Variants in SPECC1 observed in about 807,000 individuals in gnomAD.
SPECC1 encodes sperm antigen with calponin homology and coiled-coil domains 1, also known as cytospin-B.
Under a neutral mutation model 104.1 loss-of-function variants are expected in SPECC1, and 62 were observed. The ratio of observed to expected loss-of-function variants is 0.60; its 90% CI spans 0.49 to 0.74. SPECC1 has a LOEUF of 0.74. Ranked by LOEUF, SPECC1 falls within the 30% of genes least tolerant of loss-of-function variation. SPECC1 has a pLI of 0.00. For synonymous variants in SPECC1, 513 were observed against 501.6 expected (o/e 1.02, Z -0.30); for missense variants, 1,306 against 1,310.5 (o/e 1.00, Z 0.05).
chr17:20,157,618 A>G (rs1295040442), intron 3 of SPECC1, among the ~76,000 whole-genome samples: 2 of 152,184 alleles, frequency 1.3e-5, no homozygotes, highest in Non-Finnish European at 2.9e-5. Context: ...CCTTTGTGTT[A>G]AAATTGTGAA....
At chr17:20,244,792 T>C (rs2039350185) in intron 7 of SPECC1, among the ~76,000 whole-genome samples, 1 of 152,210 alleles carries the variant, frequency 6.6e-6, no homozygotes, top group Non-Finnish European at 1.5e-5. Context: ...AAATTAGTCA[T>C]CTTGCAAAAC....
intron 1 of SPECC1, among the ~76,000 whole-genome samples, chr17:20,094,303 G>T (rs1020736759): frequency 2.0e-5 from 3 of 152,116 alleles, no homozygotes; most frequent in African/African-American, 7.2e-5. Flanking sequence ...GCCTCAGAGC[G>T]GGCCACCTGC....
chr17:20,192,663 T>A (rs2035750735), intron 3 of SPECC1, among the ~76,000 whole-genome samples: 1 of 152,208 alleles, frequency 6.6e-6, no homozygotes, highest in Non-Finnish European at 1.5e-5. Context: ...ACCTCCCAGT[T>A]TCTTTCATCT....
Position 20,138,554 on chromosome 17 carries a change from A to G in SPECC1, c.283+27992A>G, listed in dbSNP as rs139693589. On this transcript the variant is annotated intron_variant, in intron 3 of 14. Coordinates refer to ENST00000395527, the MANE Select transcript of SPECC1 (RefSeq NM_001243439.2). ...CCTCCCTCATCCCTAGTCCCTGGAA[A>G]CCACTGATCTTTTTACTGTCCCATA... Among the ~76,000 whole-genome samples the G allele has an allele frequency of 2.0e-3, 297 of 152,274 alleles. 10 individuals carry two copies. In the East Asian group the frequency reaches 0.046, roughly 23 times the overall value.
intron 3 of SPECC1, among the ~76,000 whole-genome samples, chr17:20,167,589 A>G (rs560370930): frequency 3.8e-4 from 58 of 152,274 alleles, no homozygotes; most frequent in African/African-American, 1.3e-3. Context: ...GAGGCAGGAG[A>G]ATCACTTGAA....
intron 9 of SPECC1, among the ~76,000 whole-genome samples, chr17:20,250,543 G>A (rs921492008): frequency 9.2e-5 from 14 of 152,218 alleles, no homozygotes; most frequent in Non-Finnish European, 1.5e-4. Flanking sequence ...AAAATGTAAC[G>A]TGCTAAACTT....
chr17:20,255,853 T>C (rs541608759), intron 10 of SPECC1, among the ~76,000 whole-genome samples: 31 of 151,284 alleles, frequency 2.0e-4, no homozygotes, highest in African/African-American at 7.5e-4. Flanking sequence ...ATTACAGTTA[T>C]GAGCCATCAT....
chr17:20,167,570 C>T (rs1464131828), intron 3 of SPECC1, among the ~76,000 whole-genome samples: 1 of 151,992 alleles, frequency 6.6e-6, no homozygotes, highest in Non-Finnish European at 1.5e-5. Context: ...CCCAATTACT[C>T]GGGAGGCTGA....
chr17:20,205,535 C>T lies in SPECC1; in HGVS notation c.1486C>T (p.Arg496Trp), dbSNP rs777968410. 8.7e-6 allele frequency: 14 copies of T among 1,613,830 alleles called. No individual in the cohort carries two copies. The highest frequency in any genetic ancestry group is 2.7e-5 in the African/African-American group (2 of 74,842). The change falls in exon 4 of 15, where the codon CGG becomes TGG. Residue 496 changes from arginine (R) to tryptophan (W), a missense_variant. Coordinates refer to ENST00000395527, the MANE Select transcript of SPECC1 (RefSeq NM_001243439.2). ...NIQQQLTCSL[R>W]KVEEENQGAL... ...TCAGCAGCAGTTGACCTGTAGCTTG[C>T]GGAAGGTTGAGGAAGAAAACCAAGG...
intron 1 of SPECC1, among the ~76,000 whole-genome samples, chr17:20,092,959 G>T (rs904634344): frequency 2.0e-5 from 3 of 152,166 alleles, no homozygotes; most frequent in African/African-American, 7.2e-5. Flanking sequence ...GTGTTTAGGT[G>T]TGTAGGTTTT....
intron 13 of SPECC1, among the ~76,000 whole-genome samples, chr17:20,299,069 G>T (rs913775489): frequency 6.6e-6 from 1 of 151,600 alleles, no homozygotes; most frequent in Non-Finnish European, 1.5e-5. Flanking sequence ...TCCAGCATCT[G>T]CAGGGTAAGC....
chr17:20,027,301 T>A (rs984459342), intron 1 of SPECC1, among the ~76,000 whole-genome samples: 9 of 152,218 alleles, frequency 5.9e-5, no homozygotes, highest in Non-Finnish European at 1.2e-4. Flanking sequence ...TTGAGTTGTT[T>A]TAGTCACTTG....
intron 7 of SPECC1, among the ~76,000 whole-genome samples, chr17:20,240,292 C>G (rs905107440): frequency 6.6e-6 from 1 of 151,618 alleles, no homozygotes; most frequent in South Asian, 2.1e-4. Context: ...TGCAACTTTT[C>G]CCTGCTTTTT....
chr17:20,058,052 AT>A (rs1283273200), intron 1 of SPECC1, among the ~76,000 whole-genome samples: 1 of 152,186 alleles, frequency 6.6e-6, no homozygotes, highest in Non-Finnish European at 1.5e-5. Context: ...GCATTAAAAA[AT>A]CATGGTATTT....
At chr17:20,133,738 T>C (rs1487858880) in intron 3 of SPECC1, among the ~76,000 whole-genome samples, 1 of 152,140 alleles carries the variant, frequency 6.6e-6, no homozygotes, top group Non-Finnish European at 1.5e-5. Flanking sequence ...TCTGGCAAAG[T>C]GTAAGAATGT....
chr17:20,106,853 T>A (rs1473525147), intron 2 of SPECC1, among the ~76,000 whole-genome samples: 1 of 151,678 alleles, frequency 6.6e-6, no homozygotes, highest in African/African-American at 2.4e-5. Flanking sequence ...GACTGTGCTG[T>A]TGTTCAGAAA....
At chr17:20,200,793 T>G (rs2036375917) in intron 3 of SPECC1, among the ~76,000 whole-genome samples, 1 of 152,100 alleles carries the variant, frequency 6.6e-6, no homozygotes, top group African/African-American at 2.4e-5. Flanking sequence ...ATGATGAATT[T>G]TTAGCAACTC....
chr17:20,194,502 A>ATTATTATTATTATTTTTTTTTTT, intron 3 of SPECC1, among the ~76,000 whole-genome samples: 1 of 86,566 alleles, frequency 1.2e-5, no homozygotes, highest in Admixed American at 1.4e-4. Context: ...AAGAGAACGA[A>ATTATTATTATTATTTTTTTTTTT]TTTTTTTTTT....
In SPECC1 at chr17:20,238,884, A is replaced by G. The variant is rs543022635; in HGVS notation, c.2351+6479A>G. The G allele has an allele frequency of 2.2e-5, 23 of 1,043,140 alleles. No individual in the cohort carries two copies. In the South Asian group the frequency reaches 7.8e-4, roughly 35 times the overall value. The allele number at this position is 1,043,140 out of a possible 1,614,324, so 64.6% of individuals were successfully genotyped here. ...TGAAGTGCAAAATAAACATGTTATT[A>G]TATAGAAGCGTCTGCTGCTTAGTTT... On this transcript the variant is annotated intron_variant, in intron 7 of 14. Transcript: ENST00000395527.
Sources: allele counts gnomAD v4.1 joint callset (sites outside exome capture counted in the v4.1 genomes callset), GRCh38; gene constraint gnomAD v4.1.1; transcripts MANE v1.5; gene names NCBI Gene and HGNC (gene_info 2026-07-23, HGNC 2026-07-21).